SYT9: variants seen among roughly 807,000 people sequenced by gnomAD.
The protein encoded by SYT9 is synaptotagmin-9.
In SYT9, 22 loss-of-function variants were observed where a neutral mutation model predicts 48.4. That is an observed-to-expected ratio of 0.45 (90% CI 0.32 to 0.65). The LOEUF (loss-of-function observed/expected upper bound fraction) is 0.65, where lower values mean the gene tolerates loss of function less well. Ranked by LOEUF, SYT9 falls within the 30% of genes least tolerant of loss-of-function variation. The pLI is 0.03. For missense variants in SYT9, 577 were observed against 622.0 expected (o/e 0.93, Z 0.77); for synonymous variants, 265 against 245.0 (o/e 1.08, Z -0.76).
At chr11:7,418,277 G>A in intron 5 of SYT9, 149 bp downstream of exon 5, 1 of 803,586 alleles carries the variant, frequency 1.2e-6, no homozygotes, top group Non-Finnish European at 2.0e-6. Context: ...ACATTGACAG[G>A]AGTCACCTCT....
intron 6 of SYT9, chr11:7,437,990 G>T (rs1847744677): frequency 6.6e-6 from 1 of 152,234 alleles, no homozygotes; most frequent in Admixed American, 6.5e-5. Context: ...TTCCTGCTAG[G>T]TTGCGAATAC....
intron 3 of SYT9, among the ~76,000 whole-genome samples, chr11:7,328,777 C>G (rs1156915471): frequency 6.6e-6 from 1 of 152,048 alleles, no homozygotes; most frequent in Non-Finnish European, 1.5e-5. Flanking sequence ...AGTTAAAGAT[C>G]TGTTGATGTT....
Position 7,303,030 on chromosome 11 carries a change from T to G in SYT9, c.146-9T>G, listed in dbSNP as rs1369471361. ...ACCACACTGACCTTTGATCTTTGCTTCTTTGCAGATATCTCAGTGAGCCTG... is the reference window on the plus strand; with the variant it reads ...ACCACACTGACCTTTGATCTTTGCTGCTTTGCAGATATCTCAGTGAGCCTG... On this transcript the variant is annotated splice_polypyrimidine_tract_variant and intron_variant, in intron 1 of 6. Transcript: ENST00000318881. 1 of 1,612,550 alleles carries G rather than the reference T, an allele frequency of 6.2e-7. No individual in the cohort carries two copies. The highest frequency in any genetic ancestry group is 2.2e-5 in the East Asian group (1 of 44,860).
intron 3 of SYT9, among the ~76,000 whole-genome samples, chr11:7,346,385 G>A (rs570821307): frequency 1.4e-4 from 22 of 152,346 alleles, no homozygotes; most frequent in African/African-American, 4.8e-4. Flanking sequence ...TGGCACGAAT[G>A]GATGGGACCC....
intron 3 of SYT9, among the ~76,000 whole-genome samples, chr11:7,377,390 C>T (rs1451643064): frequency 1.3e-5 from 2 of 152,040 alleles, no homozygotes; most frequent in African/African-American, 4.8e-5. Context: ...TTTATTGGAA[C>T]AAAGCCTTTT....
chr11:7,298,387 A>C (rs1848851162), intron 1 of SYT9, among the ~76,000 whole-genome samples: 1 of 152,070 alleles, frequency 6.6e-6, no homozygotes, highest in Non-Finnish European at 1.5e-5. Context: ...CTGTTTTATA[A>C]ATCTCGGTAC....
chr11:7,271,562 C>T (rs1354307401), intron 1 of SYT9, among the ~76,000 whole-genome samples: 1 of 151,958 alleles, frequency 6.6e-6, no homozygotes, highest in Non-Finnish European at 1.5e-5. Flanking sequence ...GAATATTCTG[C>T]TTGTTTTTTT....
At chr11:7,417,516 C>G (rs377220551) in intron 4 of SYT9, among the ~76,000 whole-genome samples, 2 of 152,164 alleles carry the variant, frequency 1.3e-5, no homozygotes, top group East Asian at 3.9e-4. Context: ...CAGATGTTCT[C>G]TGTCCTCTAG....
intron 1 of SYT9, among the ~76,000 whole-genome samples, chr11:7,282,607 C>T (rs987403706): frequency 1.3e-5 from 2 of 152,098 alleles, no homozygotes; most frequent in African/African-American, 2.4e-5. Flanking sequence ...ACTGTGTGCA[C>T]GCTTGCCAGC....
chr11:7,295,434 T>C (rs1848781909), intron 1 of SYT9, among the ~76,000 whole-genome samples: 1 of 152,210 alleles, frequency 6.6e-6, no homozygotes, highest in Non-Finnish European at 1.5e-5. Flanking sequence ...TCTTCATTCC[T>C]CTCTGAGACT....
intron 1 of SYT9, among the ~76,000 whole-genome samples, chr11:7,285,167 CTG>C (rs1848573893): frequency 6.6e-6 from 1 of 152,272 alleles, no homozygotes; most frequent in African/African-American, 2.4e-5. Flanking sequence ...CTTTCCATGA[CTG>C]TATTAGTCTG....
chr11:7,428,494 A>G (rs1281714208), intron 6 of SYT9, among the ~76,000 whole-genome samples: 1 of 152,160 alleles, frequency 6.6e-6, no homozygotes, highest in East Asian at 1.9e-4. Flanking sequence ...CCCTCCTGAT[A>G]GTGTGGTGGG....
At chr11:7,302,003 G>A (rs138773026) in intron 1 of SYT9, among the ~76,000 whole-genome samples, 83 of 152,316 alleles carry the variant, frequency 5.4e-4, no homozygotes, top group Non-Finnish European at 7.6e-4. Context: ...GATCCATGTA[G>A]CAGATGCTGT....
chr11:7,416,055 T>C lies in SYT9; in HGVS notation c.1058T>C (p.Leu353Pro), dbSNP rs1167454604. ...CTTTCTCAACAGGACAACGTGGATC[T>C]GGGAGAGCTGATGTTTTCCCTGTGC... The part of the protein sequence containing the change: ...IEYVTNDNVD[L>P]GELMFSLCYL... Residue 353 changes from leucine to proline, a missense_variant, in exon 4 of 7, where the codon CTG (leucine) becomes CCG (proline). By Grantham distance (98) the Leu-to-Pro change is moderately conservative (BLOSUM62 -3). Transcript: ENST00000318881. 3.7e-6 allele frequency: 6 copies of C among 1,614,178 alleles called. No homozygotes were observed. The highest frequency in any genetic ancestry group is 5.1e-6 in the Non-Finnish European group (6 of 1,180,020).
chr11:7,402,744 A>G (rs1026785125), intron 3 of SYT9, among the ~76,000 whole-genome samples: 4 of 152,150 alleles, frequency 2.6e-5, no homozygotes, highest in East Asian at 1.9e-4. Context: ...TTTTGTAGAC[A>G]GCATATAGTT....
At chr11:7,348,733 G>A (rs565377432) in intron 3 of SYT9, among the ~76,000 whole-genome samples, 8 of 87,714 alleles carry the variant, frequency 9.1e-5, no homozygotes, top group East Asian at 5.1e-4. Flanking sequence ...TTCAAAGTGC[G>A]GATGGGTGGA....
intron 3 of SYT9, among the ~76,000 whole-genome samples, chr11:7,341,780 A>G (rs1180930146): frequency 6.6e-6 from 1 of 152,170 alleles, no homozygotes; most frequent in Admixed American, 6.5e-5. Context: ...CATCTCAGTC[A>G]TATTTGCAAG....
At chr11:7,443,667 A>G (rs1847873932) in intron 6 of SYT9, among the ~76,000 whole-genome samples, 1 of 152,246 alleles carries the variant, frequency 6.6e-6, no homozygotes, top group Non-Finnish European at 1.5e-5. Flanking sequence ...CCAGATGCAG[A>G]TCCTAATGTC....
intron 3 of SYT9, among the ~76,000 whole-genome samples, chr11:7,335,009 T>C (rs1319484797): frequency 6.6e-6 from 1 of 152,202 alleles, no homozygotes; most frequent in East Asian, 1.9e-4. Context: ...GACTGCTGGA[T>C]TAGATGGTAG....
Sources: allele counts gnomAD v4.1 joint callset (sites outside exome capture counted in the v4.1 genomes callset), GRCh38; gene constraint gnomAD v4.1.1; transcripts MANE v1.5; gene names NCBI Gene and HGNC (gene_info 2026-07-23, HGNC 2026-07-21).